Variants in FRMD4A observed in about 807,000 individuals in gnomAD.
FRMD4A encodes FERM domain containing 4A.
Under a neutral mutation model 129.1 loss-of-function variants are expected in FRMD4A, and 29 were observed. The observed-to-expected ratio is 0.22, with a 90% CI of 0.17 to 0.31. The LOEUF is 0.31. Ranked by LOEUF, FRMD4A falls within the 10% of genes least tolerant of loss-of-function variation. The pLI is 1.00. For synonymous variants in FRMD4A, 634 were observed against 571.6 expected, an observed-to-expected ratio of 1.11 and a Z score of -1.56; for missense variants, 1,272 against 1,375.8, an observed-to-expected ratio of 0.92 and a Z score of 1.19.
At position 14,144,067 on chromosome 10, in the gene FRMD4A, C is replaced by T. The variant is rs117276446; in HGVS notation, c.45+185991G>A. Among the ~76,000 whole-genome samples, 730 of 152,250 alleles carry T rather than the reference C, an allele frequency of 4.8e-3. 7 individuals are homozygous for T. The highest frequency in any genetic ancestry group is 0.043 in the East Asian group (221 of 5,184). On this transcript the variant is annotated intron_variant, in intron 2 of 24. Coordinates refer to ENST00000357447, the MANE Select transcript of FRMD4A (RefSeq NM_018027.5). ...GAATAAAATGCTCAAACCAAGGAGA[C>T]GCTAACATGTGGGGCAGTGCACATG...
intron 22 of FRMD4A, chr10:13,655,564 T>G (rs978556995): frequency 6.6e-6 from 1 of 152,110 alleles, no homozygotes; most frequent in Admixed American, 6.5e-5. Flanking sequence ...TCCACGGGGA[T>G]GTGGGGATAG....
chr10:14,218,997 AT>A (rs1843163825), intron 2 of FRMD4A, among the ~76,000 whole-genome samples: 1 of 128,976 alleles, frequency 7.8e-6, no homozygotes, highest in Non-Finnish European at 1.6e-5. Flanking sequence ...AAAAAAAAAG[AT>A]GTGTTTTAGC....
At chr10:13,820,905 G>A (rs2093620356) in intron 3 of FRMD4A, among the ~76,000 whole-genome samples, 1 of 152,240 alleles carries the variant, frequency 6.6e-6, no homozygotes, top group Non-Finnish European at 1.5e-5. Flanking sequence ...ACTGTGAAAC[G>A]TGGCCCGTCT....
chr10:13,712,623 G>A (rs932938978), intron 12 of FRMD4A, among the ~76,000 whole-genome samples: 2 of 152,102 alleles, frequency 1.3e-5, no homozygotes, highest in African/African-American at 4.8e-5. Context: ...GACTATGTCT[G>A]TCCCTGTTGT....
intron 2 of FRMD4A, among the ~76,000 whole-genome samples, chr10:13,887,234 G>A (rs1234690151): frequency 6.6e-6 from 1 of 152,196 alleles, no homozygotes; most frequent in East Asian, 1.9e-4. Flanking sequence ...TTATTTGGTA[G>A]TAATAAGGCC....
chr10:14,019,998 AG>A (rs1832665518), intron 2 of FRMD4A, among the ~76,000 whole-genome samples: 1 of 152,216 alleles, frequency 6.6e-6, no homozygotes, highest in Non-Finnish European at 1.5e-5. Context: ...CTCGGAGAGA[AG>A]CATTTTAAAT....
intron 4 of FRMD4A, among the ~76,000 whole-genome samples, chr10:13,810,077 C>CAGAG (rs36074024): frequency 2.7e-5 from 4 of 149,960 alleles, no homozygotes. Context: ...ATCTGGAAGA[C>CAGAG]AGAGAGAGAG....
chr10:13,934,877 C>T (rs1180728745), intron 2 of FRMD4A, among the ~76,000 whole-genome samples: 2 of 152,054 alleles, frequency 1.3e-5, no homozygotes, highest in Non-Finnish European at 1.5e-5. Context: ...AAATTTATTG[C>T]TAACAGTTCT....
intron 2 of FRMD4A, among the ~76,000 whole-genome samples, chr10:14,003,232 T>C (rs747204266): frequency 6.6e-6 from 1 of 152,110 alleles, no homozygotes; most frequent in African/African-American, 2.4e-5. Context: ...AGAGCTGGAA[T>C]GGACAGTGCC....
intron 2 of FRMD4A, among the ~76,000 whole-genome samples, chr10:14,291,320 C>A (rs191800131): frequency 4.7e-4 from 71 of 152,212 alleles, no homozygotes; most frequent in Admixed American, 3.8e-3. Flanking sequence ...AGTGCTATTT[C>A]AATTAAAATC....
intron 2 of FRMD4A, among the ~76,000 whole-genome samples, chr10:14,059,052 C>T (rs1428209078): frequency 6.6e-6 from 1 of 152,084 alleles, no homozygotes; most frequent in Non-Finnish European, 1.5e-5. Flanking sequence ...CTTCTTTATC[C>T]AGCCATTTTG....
chr10:14,289,872 C>T (rs1845797582), intron 2 of FRMD4A, among the ~76,000 whole-genome samples: 1 of 151,706 alleles, frequency 6.6e-6, no homozygotes, highest in Non-Finnish European at 1.5e-5. Context: ...AGACTCCACA[C>T]ACACAAAAAA....
chr10:14,231,692 A>AT (rs1843646111), intron 2 of FRMD4A, among the ~76,000 whole-genome samples: 1 of 151,910 alleles, frequency 6.6e-6, no homozygotes, highest in East Asian at 1.9e-4. Context: ...GATGTTGAGC[A>AT]TTTTTTCTTA....
chr10:13,867,684 TATATATAATATAATATATAATAAATAAC>T (rs2094386269), intron 2 of FRMD4A, among the ~76,000 whole-genome samples: 21 of 35,694 alleles, frequency 5.9e-4, no homozygotes, highest in Admixed American at 9.6e-4. Context: ...ATATAATAAA[TATATATAATATAATATATAATAAATAAC>T]ATATAATATA....
chr10:13,938,253 T>G (rs2095264102), intron 2 of FRMD4A, among the ~76,000 whole-genome samples: 1 of 151,524 alleles, frequency 6.6e-6, no homozygotes. Flanking sequence ...TTTGTTTGTT[T>G]GTTTTTGAGA....
At chr10:13,908,751 C>G (rs186777567) in intron 2 of FRMD4A, among the ~76,000 whole-genome samples, 2 of 152,312 alleles carry the variant, frequency 1.3e-5, no homozygotes, top group East Asian at 3.9e-4. Flanking sequence ...CTCTTCTTCC[C>G]ATGTTTTTAC....
intron 3 of FRMD4A, among the ~76,000 whole-genome samples, chr10:13,827,866 G>A (rs956891421): frequency 6.6e-6 from 1 of 152,200 alleles, no homozygotes; most frequent in South Asian, 2.1e-4. Context: ...CTGCTTCGGG[G>A]AGCCCTGCTC....
chr10:13,827,423 T>C (rs758595469), intron 3 of FRMD4A, among the ~76,000 whole-genome samples: 2 of 152,180 alleles, frequency 1.3e-5, no homozygotes, highest in Non-Finnish European at 2.9e-5. Flanking sequence ...GGGTGAGACC[T>C]GATGTTAGAC....
intron 2 of FRMD4A, among the ~76,000 whole-genome samples, chr10:14,298,705 G>C (rs1846088992): frequency 1.3e-5 from 2 of 152,224 alleles, no homozygotes. Context: ...CTGGATCTGT[G>C]TTCGTGGCCT....
Sources: allele counts gnomAD v4.1 joint callset (sites outside exome capture counted in the v4.1 genomes callset), GRCh38; gene constraint gnomAD v4.1.1; transcripts MANE v1.5; gene names NCBI Gene and HGNC (gene_info 2026-07-23, HGNC 2026-07-21).